MGAT4D: variants seen among roughly 807,000 people sequenced by gnomAD.
MGAT4D encodes the protein MGAT4 family member D, also known as alpha-1,3-mannosyl-glycoprotein 4-beta-N-acetylglucosaminyltransferase-like protein MGAT4D.
Under a neutral mutation model 15.9 loss-of-function variants are expected in MGAT4D, and 34 were observed. That is an observed-to-expected ratio of 2.14 (90% confidence interval 1.62 to 2.84). The LOEUF (loss-of-function observed/expected upper bound fraction) is 2.84. Among genes scored for constraint, MGAT4D ranks in the 30% most tolerant of loss-of-function variants. The pLI is 0.00. For synonymous variants in MGAT4D, 112 were observed against 48.2 expected (o/e 2.33, Z -5.49); for missense variants, 327 against 140.2 (o/e 2.33, Z -6.73).
chr4:140,491,572 C>T (rs1005334587), intron 1 of MGAT4D, among the ~76,000 whole-genome samples: 2 of 151,950 alleles, frequency 1.3e-5, no homozygotes, highest in Non-Finnish European at 2.9e-5. Flanking sequence ...ACATAGGAGT[C>T]GGCTGTGGCT....
intron 5 of MGAT4D, among the ~76,000 whole-genome samples, chr4:140,465,709 G>A (rs72939884): frequency 1.5e-3 from 231 of 152,232 alleles, no homozygotes; most frequent in African/African-American, 5.2e-3. Flanking sequence ...CATGTTAAAG[G>A]TTCAAGGAAA....
At chr4:140,487,506 C>T (rs1040177460) in intron 1 of MGAT4D, among the ~76,000 whole-genome samples, 8 of 152,042 alleles carry the variant, frequency 5.3e-5, no homozygotes, top group African/African-American at 7.2e-5. Flanking sequence ...TGAAAAGAAA[C>T]GAATGAAACA....
intron 10 of MGAT4D, among the ~76,000 whole-genome samples, chr4:140,448,334 T>C (rs909847382): frequency 3.9e-5 from 6 of 152,306 alleles, no homozygotes; most frequent in South Asian, 2.1e-4. Context: ...TATTCGGTGA[T>C]GCTAGTGATT....
At chr4:140,496,585 G>A (rs1030430376) in intron 1 of MGAT4D, among the ~76,000 whole-genome samples, 1 of 152,178 alleles carries the variant, frequency 6.6e-6, no homozygotes, top group Non-Finnish European at 1.5e-5. Flanking sequence ...GCTCATGCCT[G>A]TAATCCCAGC....
chr4:140,457,075 A>G (rs1730859202), intron 8 of MGAT4D: 2 of 152,960 alleles, frequency 1.3e-5, no homozygotes, highest in Admixed American at 1.3e-4. Flanking sequence ...TGTATTTTTT[A>G]CCTGATTTTT....
At chr4:140,449,169 T>C (rs973694548) in intron 10 of MGAT4D, among the ~76,000 whole-genome samples, 1 of 152,198 alleles carries the variant, frequency 6.6e-6, no homozygotes, top group African/African-American at 2.4e-5. Context: ...TCTTTTAAGT[T>C]TTTATTTGAA....
chr4:140,445,603 A>G (rs927588283), intron 10 of MGAT4D, among the ~76,000 whole-genome samples: 3 of 152,070 alleles, frequency 2.0e-5, no homozygotes, highest in Non-Finnish European at 4.4e-5. Context: ...GATCTTTATC[A>G]GTTCCTGTGT....
chr4:140,445,709 G>A (rs1183668321), intron 10 of MGAT4D, among the ~76,000 whole-genome samples: 2 of 152,126 alleles, frequency 1.3e-5, no homozygotes, highest in Non-Finnish European at 2.9e-5. Context: ...TTTTGTATAT[G>A]GTGTAAGGAA....
At chr4:140,475,960 CA>C (rs1732302215) in intron 3 of MGAT4D, among the ~76,000 whole-genome samples, 1 of 151,770 alleles carries the variant, frequency 6.6e-6, no homozygotes, top group Non-Finnish European at 1.5e-5. Flanking sequence ...TACAGGCATG[CA>C]CCACCATGCC....
At chr4:140,465,865 C>T (rs963544837) in intron 5 of MGAT4D, among the ~76,000 whole-genome samples, 2 of 152,244 alleles carry the variant, frequency 1.3e-5, no homozygotes, top group South Asian at 2.1e-4. Context: ...ACCAGTCTCC[C>T]ACAACAACAC....
intron 1 of MGAT4D, among the ~76,000 whole-genome samples, chr4:140,495,719 T>C (rs1042270067): frequency 6.6e-5 from 10 of 152,182 alleles, no homozygotes; most frequent in Non-Finnish European, 1.5e-4. Flanking sequence ...ATTTTGTTAA[T>C]TTAATTTAAT....
At chr4:140,446,641 T>C (rs757027548) in intron 10 of MGAT4D, among the ~76,000 whole-genome samples, 6 of 151,938 alleles carry the variant, frequency 3.9e-5, no homozygotes, top group Non-Finnish European at 8.8e-5. Context: ...TCATTGATCT[T>C]TTGAATGGTT....
intron 3 of MGAT4D, among the ~76,000 whole-genome samples, chr4:140,476,057 C>A (rs891437469): frequency 2.6e-5 from 4 of 152,046 alleles, no homozygotes; most frequent in Admixed American, 6.5e-5. Context: ...AGTGATCTGC[C>A]CACCTCAGCC....
chr4:140,470,179 T>C (rs958909603), intron 5 of MGAT4D, among the ~76,000 whole-genome samples: 1 of 152,254 alleles, frequency 6.6e-6, no homozygotes, highest in Admixed American at 6.5e-5. Flanking sequence ...GAAACTTGTT[T>C]TGACCAATTG....
intron 5 of MGAT4D, among the ~76,000 whole-genome samples, chr4:140,470,910 A>T (rs1443975135): frequency 6.8e-6 from 1 of 147,060 alleles, no homozygotes; most frequent in Non-Finnish European, 1.5e-5. Flanking sequence ...TTTGAGACAC[A>T]GTCTCCCTCT....
chr4:140,486,643 G>A (rs1016517004), intron 1 of MGAT4D, among the ~76,000 whole-genome samples: 1 of 152,134 alleles, frequency 6.6e-6, no homozygotes, highest in African/African-American at 2.4e-5. Flanking sequence ...AGAGCAGCGA[G>A]AACATTTTAC....
intron 1 of MGAT4D, among the ~76,000 whole-genome samples, chr4:140,485,748 C>G (rs1038641923): frequency 1.6e-5 from 2 of 123,046 alleles, no homozygotes; most frequent in Non-Finnish European, 3.2e-5. Flanking sequence ...AGATCAAGGC[C>G]ACAGTGGAGC....
intron 4 of MGAT4D, among the ~76,000 whole-genome samples, chr4:140,473,124 T>G (rs1272305362): frequency 6.6e-6 from 1 of 152,106 alleles, no homozygotes; most frequent in African/African-American, 2.4e-5. Context: ...ATATTTCATT[T>G]GTTTCTATAT....
rs551838799 is a variant in MGAT4D, at chr4:140,493,287, C to CT, written c.94+4841dup. 6.8e-3 allele frequency among the ~76,000 whole-genome samples: 761 copies of CT among 112,422 alleles called. 7 individuals carry two copies. Among genetic ancestry groups the CT allele is most frequent in the East Asian group, 0.042 (166 of 3,966 alleles). The allele number at this position is 112,422 out of a possible 152,430, so 73.8% of individuals were successfully genotyped here. On this transcript the variant is annotated intron_variant, in intron 1 of 10. Coordinates refer to ENST00000511113, the MANE Select transcript of MGAT4D (RefSeq NM_001277353.2). Reference sequence around the variant, plus strand: ...ACTGTATCTGTTTATTGTTCCTTTACTTTTTTTTTTTTTTTTTTTTTTTCC... The same window carrying CT: ...ACTGTATCTGTTTATTGTTCCTTTACTTTTTTTTTTTTTTTTTTTTTTTTCC...
Sources: gnomAD v4.1 joint callset for allele counts (sites outside exome capture counted in the v4.1 genomes callset) on GRCh38, gnomAD v4.1.1 for gene constraint, MANE v1.5 for transcripts, NCBI Gene and HGNC (gene_info 2026-07-23, HGNC 2026-07-21) for gene names.